PTPRD: variants seen among roughly 807,000 people sequenced by gnomAD.
The protein encoded by PTPRD is protein tyrosine phosphatase receptor type D, also known as receptor-type tyrosine-protein phosphatase delta.
PTPRD carries 34 observed loss-of-function variants against 214.5 expected under a neutral mutation model. The observed-to-expected ratio is 0.16, with a 90% CI of 0.12 to 0.21. The LOEUF (loss-of-function observed/expected upper bound fraction) is 0.21, where lower values mean the gene tolerates loss of function less well. Ranked by LOEUF, PTPRD falls within the 10% of genes least tolerant of loss-of-function variation. The pLI, the probability that PTPRD is intolerant of heterozygous loss-of-function variation, is 1.00. For missense variants in PTPRD, 2,545 were observed against 2,398.7 expected, an observed-to-expected ratio of 1.06 and a Z score of -1.27; for synonymous variants, 1,128 against 845.7, an observed-to-expected ratio of 1.33 and a Z score of -5.79.
At chr9:9,527,493 C>A (rs772555698) in intron 8 of PTPRD, among the ~76,000 whole-genome samples, 38 of 152,216 alleles carry the variant, frequency 2.5e-4, no homozygotes, top group Non-Finnish European at 3.4e-4. Flanking sequence ...AAATTGTAAT[C>A]AAAAATTTGC....
chr9:8,910,974 C>A (rs1456524546), intron 11 of PTPRD, among the ~76,000 whole-genome samples: 2 of 152,100 alleles, frequency 1.3e-5, no homozygotes, highest in Non-Finnish European at 2.9e-5. Context: ...GAGAGACATT[C>A]CATATTCATC....
intron 5 of PTPRD, among the ~76,000 whole-genome samples, chr9:9,840,514 G>A (rs1214680606): frequency 6.6e-6 from 1 of 151,912 alleles, no homozygotes; most frequent in African/African-American, 2.4e-5. Flanking sequence ...CTTACATTAT[G>A]TTTGGTCATT....
intron 11 of PTPRD, among the ~76,000 whole-genome samples, chr9:8,788,486 G>C (rs1174306271): frequency 6.6e-6 from 1 of 151,776 alleles, no homozygotes; most frequent in African/African-American, 2.4e-5. Context: ...TGTTGGTCAG[G>C]CTGGTCTCAA....
At chr9:10,411,936 G>GA (rs1291495260) in intron 2 of PTPRD, among the ~76,000 whole-genome samples, 7 of 151,804 alleles carry the variant, frequency 4.6e-5, no homozygotes, top group Non-Finnish European at 8.8e-5. Flanking sequence ...GCATATGGAT[G>GA]AAAAGTACTT....
chr9:10,597,138 T>G (rs1356346247), intron 2 of PTPRD, among the ~76,000 whole-genome samples: 1 of 151,466 alleles, frequency 6.6e-6, no homozygotes, highest in Non-Finnish European at 1.5e-5. Context: ...GACCAAGGAT[T>G]GCTGGAGGAA....
chr9:10,551,568 C>T (rs1316635837), intron 2 of PTPRD, among the ~76,000 whole-genome samples: 2 of 152,204 alleles, frequency 1.3e-5, no homozygotes, highest in South Asian at 2.1e-4. Flanking sequence ...AAAGAGCTGC[C>T]TTGCCCTCTC....
At chr9:9,870,299 A>G (rs899091445) in intron 5 of PTPRD, among the ~76,000 whole-genome samples, 7 of 152,178 alleles carry the variant, frequency 4.6e-5, no homozygotes, top group African/African-American at 1.7e-4. Flanking sequence ...AGATTTCAAT[A>G]TATCATTCTT....
At chr9:9,484,880 C>A (rs535503539) in intron 8 of PTPRD, among the ~76,000 whole-genome samples, 1 of 152,146 alleles carries the variant, frequency 6.6e-6, no homozygotes, top group South Asian at 2.1e-4. Flanking sequence ...TAACAGTAAA[C>A]AATAGGCTTC....
At chr9:10,590,261 C>T (rs1038861889) in intron 2 of PTPRD, among the ~76,000 whole-genome samples, 2 of 151,966 alleles carry the variant, frequency 1.3e-5, no homozygotes, top group Non-Finnish European at 2.9e-5. Flanking sequence ...TGTCATGTAA[C>T]TATTACAAGC....
At chr9:8,862,437 C>G (rs976251308) in intron 11 of PTPRD, among the ~76,000 whole-genome samples, 2 of 152,128 alleles carry the variant, frequency 1.3e-5, no homozygotes, top group Non-Finnish European at 2.9e-5. Flanking sequence ...AATTAAGGTG[C>G]CATGCTAAAT....
chr9:9,839,941 T>A (rs546542234), intron 5 of PTPRD, among the ~76,000 whole-genome samples: 1 of 152,070 alleles, frequency 6.6e-6, no homozygotes. Flanking sequence ...AGTTGAAAAT[T>A]TGTATATATA....
intron 10 of PTPRD, among the ~76,000 whole-genome samples, chr9:9,171,435 A>G (rs1037816792): frequency 1.3e-5 from 2 of 151,342 alleles, no homozygotes; most frequent in African/African-American, 2.4e-5. Flanking sequence ...GGGAAATAGG[A>G]AAAGGAGCTT....
At position 9,403,100 on chromosome 9, in the gene PTPRD, G is replaced by C. The variant is rs932129681; in HGVS notation, c.-236-5618C>G. Among the ~76,000 whole-genome samples, 4 of 150,720 alleles carry C rather than the reference G, an allele frequency of 2.7e-5. No homozygotes were observed. In the East Asian group the frequency reaches 7.8e-4, roughly 30 times the overall value. Reference sequence around the variant, plus strand: ...AGGTTAGAAATTCAAGAATAGCCTGGCCAACATGGTAAAACCCCATCTCTA... The same window carrying C: ...AGGTTAGAAATTCAAGAATAGCCTGCCCAACATGGTAAAACCCCATCTCTA... On this transcript the variant is annotated intron_variant, in intron 8 of 45. Transcript: ENST00000381196.
chr9:10,482,194 AC>A (rs1478577663), intron 2 of PTPRD, among the ~76,000 whole-genome samples: 1 of 151,686 alleles, frequency 6.6e-6, no homozygotes, highest in Non-Finnish European at 1.5e-5. Flanking sequence ...ACACAGTGAA[AC>A]CCCATCTCTA....
intron 5 of PTPRD, among the ~76,000 whole-genome samples, chr9:9,863,782 T>C (rs1039353052): frequency 2.0e-5 from 3 of 151,664 alleles, no homozygotes; most frequent in Non-Finnish European, 2.9e-5. Flanking sequence ...CTCTTTTGTC[T>C]GTGAACAAGG....
At chr9:9,082,482 C>G (rs183564587) in intron 10 of PTPRD, among the ~76,000 whole-genome samples, 1 of 151,222 alleles carries the variant, frequency 6.6e-6, no homozygotes, top group Non-Finnish European at 1.5e-5. Flanking sequence ...TTATGACAAA[C>G]CTAAGACACA....
chr9:9,604,504 G>C lies in PTPRD; in HGVS notation c.-286-29723C>G, dbSNP rs923223748. Among the ~76,000 whole-genome samples, 21 of 151,988 alleles carry C rather than the reference G, an allele frequency of 1.4e-4. 1 individual carries two copies. The highest frequency in any genetic ancestry group is 4.6e-4 in the African/African-American group (19 of 41,424). ...TGTATGCTTTCTGTTAAATAAAGGT[G>C]TTCTAACTTTTAGTGTAAGAAATCA... On this transcript the variant is annotated intron_variant, in intron 7 of 45. Transcript: ENST00000381196.
chr9:9,387,788 C>G (rs1192101756), intron 9 of PTPRD, among the ~76,000 whole-genome samples: 3 of 152,130 alleles, frequency 2.0e-5, no homozygotes, highest in Admixed American at 2.0e-4. Context: ...GGGGAGCATA[C>G]AGATGGGCAG....
In PTPRD at chr9:9,036,784, C is replaced by T. The variant is rs151232201; in HGVS notation, c.-142-18049G>A. On this transcript the variant is annotated intron_variant, in intron 10 of 45. Coordinates refer to ENST00000381196, the MANE Select transcript of PTPRD (RefSeq NM_002839.4). ...TTTGTCCCCATTTCTTACCTCTCTC[C>T]CCTGATACATATATATCCCACCCTG... Among the ~76,000 whole-genome samples, 11 of 152,196 alleles carry T rather than the reference C, an allele frequency of 7.2e-5. No individual in the cohort carries two copies. The East Asian group carries it at 2.1e-3, about 29-fold the overall frequency.
Sources: allele counts gnomAD v4.1 joint callset (sites outside exome capture counted in the v4.1 genomes callset), GRCh38; gene constraint gnomAD v4.1.1; transcripts MANE v1.5; gene names NCBI Gene and HGNC (gene_info 2026-07-23, HGNC 2026-07-21).